PREPL: variants seen among roughly 807,000 people sequenced by gnomAD.
PREPL encodes the protein prolyl endopeptidase-like.
Under a neutral mutation model 70.6 loss-of-function variants are expected in PREPL, and 77 were observed. The ratio of observed to expected loss-of-function variants is 1.09; its 90% CI spans 0.91 to 1.32. PREPL has a LOEUF of 1.32. Ranked by LOEUF, PREPL falls within the 40% of genes most tolerant of loss-of-function variation. The pLI, the probability that PREPL is intolerant of heterozygous loss-of-function variation, is 0.00. For missense variants in PREPL, 1,002 were observed against 778.2 expected (o/e 1.29, Z -3.42); for synonymous variants, 315 against 264.8 (o/e 1.19, Z -1.84).
intron 1 of PREPL, chr2:44,360,354 CTG>C (rs1558527679): frequency 6.6e-6 from 1 of 152,224 alleles, no homozygotes; most frequent in African/African-American, 2.4e-5. Flanking sequence ...GGTTGCCAAA[CTG>C]TGGCTGTGGG....
Position 44,342,455 on chromosome 2 carries a change from G to C in PREPL, c.447C>G (p.Asn149Lys). ...CTGTGTAAAAGCGTTCATTACGTTT[G>C]TTATCACCAAAAGTGGCTCGATATA... is the stretch of plus-strand genomic sequence containing the variant. ...HDVYRATFGD[N>K]KRNERFYTEK... Residue 149 changes from asparagine to lysine, a missense_variant, in exon 5 of 14, where the codon AAC becomes AAG. By Grantham distance (94) the Asn-to-Lys change is moderately conservative. Transcript: ENST00000409411. 1.9e-6 allele frequency: 3 copies of C among 1,613,288 alleles called. No individual in the cohort carries two copies. Among genetic ancestry groups the C allele is most frequent in the Non-Finnish European group, 2.5e-6 (3 of 1,179,508 alleles).
rs1164896352 is a variant in PREPL at position 44,343,952 on chromosome 2, C to T, written c.143-1G>A. ...AAAACTTCATAATTATCATTGTCTG[C>T]TGTATAAAGAAAAATACGAAAGTGA... On this transcript the variant is annotated splice_acceptor_variant, in intron 3 of 13. Coordinates refer to ENST00000409411, the MANE Select transcript of PREPL (RefSeq NM_001171613.2). LOFTEE classifies it high-confidence loss of function. 7.4e-6 allele frequency: 12 copies of T among 1,612,266 alleles called. No individual in the cohort carries two copies. Among genetic ancestry groups the T allele is most frequent in the Non-Finnish European group, 9.3e-6 (11 of 1,179,486 alleles).
chr2:44,342,129 T>G (rs913819190), intron 5 of PREPL, among the ~76,000 whole-genome samples: 1 of 152,326 alleles, frequency 6.6e-6, no homozygotes, highest in African/African-American at 2.4e-5. Flanking sequence ...GTTCACAATC[T>G]AGCAGTTCTA....
chr2:44,330,807 A>G (rs1674013007), intron 8 of PREPL, among the ~76,000 whole-genome samples: 1 of 152,144 alleles, frequency 6.6e-6, no homozygotes, highest in African/African-American at 2.4e-5. Context: ...TACTTGCATA[A>G]ATTTGTATAT....
At chr2:44,323,434 T>A (rs773045817) in intron 10 of PREPL, 23 bp from the exon 11 acceptor site, 1 of 1,554,322 alleles carries the variant, frequency 6.4e-7, no homozygotes, top group East Asian at 2.3e-5. Flanking sequence ...CAAAGAAACT[T>A]ATACTTCAAG....
chr2:44,360,500 T>G (rs1349890764), intron 1 of PREPL: 2 of 152,190 alleles, frequency 1.3e-5, no homozygotes, highest in African/African-American at 4.8e-5. Flanking sequence ...GCGCTTTAAT[T>G]AAAAACAACA....
chr2:44,321,032 A>G lies in PREPL; in HGVS notation c.*324T>C. 1 of 390,126 alleles carries G rather than the reference A, an allele frequency of 2.6e-6. No homozygotes were observed. The highest frequency in any genetic ancestry group is 2.9e-5 in the South Asian group (1 of 34,988). 24.2% of individuals were successfully genotyped at this position (390,126 alleles called of 1,614,324 possible). ...TTTGCTAGCAAAGAGGCAGGACACT[A>G]ATTTGTAAACTGCTCAACTGTTCTG... On this transcript the variant is annotated 3_prime_UTR_variant, in exon 14 of 14. Coordinates refer to ENST00000409411, the MANE Select transcript of PREPL (RefSeq NM_001171613.2).
At chr2:44,341,432 A>G (rs1675209391) in intron 5 of PREPL, among the ~76,000 whole-genome samples, 1 of 152,094 alleles carries the variant, frequency 6.6e-6, no homozygotes, top group South Asian at 2.1e-4. Flanking sequence ...ATATAATTGT[A>G]GGGCAAGTCC....
chr2:44,345,422 G>A (rs1367926314), intron 2 of PREPL, among the ~76,000 whole-genome samples: 1 of 151,928 alleles, frequency 6.6e-6, no homozygotes, highest in Non-Finnish European at 1.5e-5. Flanking sequence ...TGCAATCTTG[G>A]CTCAGGGCAA....
intron 1 of PREPL, among the ~76,000 whole-genome samples, chr2:44,347,809 T>A (rs1451330650): frequency 6.6e-6 from 1 of 152,230 alleles, no homozygotes; most frequent in African/African-American, 2.4e-5. Context: ...CATGATACTT[T>A]ACCAACATTG....
chr2:44,328,996 GA>G lies in PREPL; in HGVS notation c.1202del (p.Phe401SerfsTer15). ...CCACCAGGACCCGCCTCTCAGGCCT[GA>G]AATTCATTTTCAAATCCATTCCATA... ...GAYGMDLKMN[F>X]RPERRVLVDD... On this transcript the variant is annotated frameshift_variant, in exon 9 of 14. Coordinates refer to ENST00000409411, the MANE Select transcript of PREPL (RefSeq NM_001171613.2). LOFTEE classifies it high-confidence loss of function. 1 of 1,614,098 alleles carries G rather than the reference GA, an allele frequency of 6.2e-7. No homozygotes were observed. The highest frequency in any genetic ancestry group is 8.5e-7 in the Non-Finnish European group (1 of 1,179,998).
At chr2:44,340,927 CA>C (rs966745305) in intron 5 of PREPL, among the ~76,000 whole-genome samples, 6,787 of 97,878 alleles carry the variant, frequency 0.069, 424 homozygotes, top group African/African-American at 0.21. Context: ...GACTCTGTTT[CA>C]AAAAAAAAAA....
intron 10 of PREPL, among the ~76,000 whole-genome samples, chr2:44,325,075 C>T (rs1483354027): frequency 6.6e-6 from 1 of 152,062 alleles, no homozygotes; most frequent in Non-Finnish European, 1.5e-5. Context: ...ACCATATGAA[C>T]TTTTTTGCAT....
chr2:44,344,501 A>G lies in PREPL; in HGVS notation c.142+19T>C, dbSNP rs764904566. 6.5e-7 allele frequency: 1 copy of G among 1,537,026 alleles called. No homozygotes were observed. The highest frequency in any genetic ancestry group is 8.8e-7 in the Non-Finnish European group (1 of 1,140,636). Reference sequence around the variant, plus strand: ...AAATCTGAAAATTAGAGCACGTAAAAAGAAAAATTGTGGTGTACCTTCTTC... The same window carrying G: ...AAATCTGAAAATTAGAGCACGTAAAGAGAAAAATTGTGGTGTACCTTCTTC... On this transcript the variant is annotated intron_variant, in intron 3 of 13. Coordinates refer to ENST00000409411, the MANE Select transcript of PREPL (RefSeq NM_001171613.2).
chr2:44,331,625 T>A (rs929940688), intron 8 of PREPL, among the ~76,000 whole-genome samples: 3 of 152,200 alleles, frequency 2.0e-5, no homozygotes, highest in African/African-American at 4.8e-5. Context: ...ACCTGAGACA[T>A]AACTTCCTTG....
At chr2:44,332,688 T>C in intron 7 of PREPL, 32 bp from the exon 8 acceptor site, 1 of 1,505,032 alleles carries the variant, frequency 6.6e-7, no homozygotes, top group Non-Finnish European at 9.1e-7. Context: ...TTTTATTCTT[T>C]ATTTAGGCCA....
At position 44,320,320 on chromosome 2, in the gene PREPL, T is replaced by C. The variant is rs766482650; in HGVS notation, c.*1036A>G. On this transcript the variant is annotated 3_prime_UTR_variant, in exon 14 of 14. Transcript: ENST00000409411. ...CATTTGAGGAATGACAGCCACTATG[T>C]TGTGTACACAAGAGAGCTGGATGGC... 1.1e-5 allele frequency: 18 copies of C among 1,614,020 alleles called. No homozygotes were observed. Among genetic ancestry groups the C allele is most frequent in the African/African-American group, 2.7e-5 (2 of 74,936 alleles).
chr2:44,321,846 A>G lies in PREPL; in HGVS notation c.1808T>C (p.Ile603Thr), dbSNP rs748104886. ...ACATACCTTTTTGTGAGAATCCTCA[A>G]TTACATGATTGCCTCCAGGCTGAAT... Reference protein sequence around the residue: ...LDIQPGGNHVIEDSHKKITAQ... With the variant: ...LDIQPGGNHVTEDSHKKITAQ... The change falls in exon 13 of 14, where the codon ATT becomes ACT. Residue 603 changes from isoleucine to threonine, a missense_variant. Ile to Thr is a moderately conservative substitution (Grantham distance 89). Coordinates refer to ENST00000409411, the MANE Select transcript of PREPL (RefSeq NM_001171613.2). 1.4e-5 allele frequency: 23 copies of G among 1,613,682 alleles called. No individual in the cohort carries two copies. The highest frequency in any genetic ancestry group is 1.8e-5 in the Non-Finnish European group (21 of 1,179,720).
chr2:44,343,664 C>T, intron 4 of PREPL, 81 bp downstream of exon 4: 1 of 1,272,274 alleles, frequency 7.9e-7, no homozygotes, highest in Non-Finnish European at 1.1e-6. Flanking sequence ...CCTTCTCCCT[C>T]CCTCACATGC....
Sources: gnomAD v4.1 joint callset for allele counts (sites outside exome capture counted in the v4.1 genomes callset) on GRCh38, gnomAD v4.1.1 for gene constraint, MANE v1.5 for transcripts, NCBI Gene and HGNC (gene_info 2026-07-23, HGNC 2026-07-21) for gene names.